MYO15B: variants seen among roughly 807,000 people sequenced by gnomAD.
MYO15B encodes myosin XVB pseudogene.
Under a neutral mutation model 119.3 loss-of-function variants are expected in MYO15B, and 207 were observed. The ratio of observed to expected loss-of-function variants is 1.73; its 90% CI spans 1.55 to 1.95. The LOEUF (loss-of-function observed/expected upper bound fraction) is 1.95. MYO15B is among the 30% of genes most tolerant of loss of function. The probability of loss-of-function intolerance (pLI) is 0.00; values close to 1 mark genes in which losing one functional copy is unlikely to be tolerated. For synonymous variants in MYO15B, 966 were observed against 498.9 expected, an observed-to-expected ratio of 1.94 and a Z score of -12.48; for missense variants, 2,264 against 1,203.1, an observed-to-expected ratio of 1.88 and a Z score of -13.04.
At chr17:75,594,089 C>A (rs893836407) in intron 9 of MYO15B, among the ~76,000 whole-genome samples, 1,156 of 106,880 alleles carry the variant, frequency 0.011, no homozygotes, top group Non-Finnish European at 0.012. Flanking sequence ...GACCCTGTCT[C>A]AAAAAAAAAA....
In MYO15B at chr17:75,588,132, G is replaced by C. The variant is rs1184089565; in HGVS notation, c.75G>C (p.Ser25=). The C allele has an allele frequency of 1.8e-5, 7 of 398,102 alleles. No individual in the cohort carries two copies. In the Admixed American group the frequency reaches 3.1e-4, roughly 18 times the overall value. 24.7% of individuals were successfully genotyped at this position (398,102 alleles called of 1,614,324 possible). A position where few individuals can be genotyped will look rare whatever the true frequency, so the allele number is the denominator to read the frequency against. Residue 25 remains serine (S), a synonymous_variant, in exon 1 of 64, where the codon TCG becomes TCC. Transcript: ENST00000645453. The stretch of plus-strand genomic sequence containing the variant: ...GGCCGGCCTCAGGGGAGCAGGAGTC[G>C]GGGTCGGCCAGCGCGGATGGCGCGC...
intron 7 of MYO15B, 32 bp from the exon 8 acceptor site, chr17:75,592,396 C>A (rs2147720782): frequency 1.5e-6 from 1 of 675,094 alleles, no homozygotes; most frequent in Non-Finnish European, 2.7e-6. Context: ...GCCCCTAGGG[C>A]ACTGAGCCCC....
intron 19 of MYO15B, among the ~76,000 whole-genome samples, chr17:75,604,839 T>C (rs1624988): frequency 0.17 from 26,527 of 152,064 alleles, 3,776 homozygotes; most frequent in African/African-American, 0.39. Context: ...CAGGGTGTCG[T>C]ACAGCAAGTG....
At chr17:75,611,100 G>T in intron 23 of MYO15B, 141 bp downstream of exon 23, 1 of 659,248 alleles carries the variant, frequency 1.5e-6, no homozygotes, top group Non-Finnish European at 2.8e-6. Flanking sequence ...GAGGACCGGG[G>T]TGCTCTTGGC....
At chr17:75,620,585 T>C (rs1256719924) in exon 49 of MYO15B, 1 of 702,326 alleles carries the variant, frequency 1.4e-6, no homozygotes, top group Non-Finnish European at 2.6e-6. Context: ...GGCACAAGGG[T>C]CAGCTGTCCA....
intron 33 of MYO15B, 39 bp from the exon 34 acceptor site, chr17:75,615,201 G>T (rs1281096339): frequency 1.4e-6 from 1 of 692,870 alleles, no homozygotes; most frequent in Non-Finnish European, 2.6e-6. Context: ...TGGCATGTGG[G>T]CCCAGGCAGG....
chr17:75,612,590 G>C (rs775636291), intron 25 of MYO15B, among the ~76,000 whole-genome samples: 2 of 151,992 alleles, frequency 1.3e-5, no homozygotes, highest in Non-Finnish European at 2.9e-5. Flanking sequence ...ACTTGAACCT[G>C]GGAGGTGGAG....
At chr17:75,620,830 G>A in intron 49 of MYO15B, 194 bp downstream of exon 49, 1 of 701,970 alleles carries the variant, frequency 1.4e-6, no homozygotes. Flanking sequence ...GCAGGCAGGG[G>A]CTGGGCTGGA....
At chr17:75,601,508 G>A (rs1179758558) in exon 15 of MYO15B, 10 of 702,988 alleles carry the variant, frequency 1.4e-5, no homozygotes, top group South Asian at 4.4e-5. Context: ...GCCAAGCCCC[G>A]GCTGCCCCTG....
chr17:75,623,037 TC>T lies in MYO15B; in HGVS notation c.8083-743del, dbSNP rs1303544448. Among the ~76,000 whole-genome samples the T allele has an allele frequency of 2.2e-5, 3 of 138,260 alleles. 1 individual carries two copies. Among genetic ancestry groups the T allele is most frequent in the African/African-American group, 8.5e-5 (3 of 35,268 alleles). 90.7% of individuals were successfully genotyped at this position (138,260 alleles called of 152,430 possible). ...GGAGCCAGCAGAGATGAGTAAGAGA[TC>T]AGAGAAGCAGGGGCCGGGCGCGGCG... On this transcript the variant is annotated intron_variant, in intron 53 of 63. Coordinates refer to ENST00000645453, the Ensembl canonical transcript of MYO15B.
At chr17:75,588,647 G>A in exon 1 of MYO15B, 1 of 400,828 alleles carries the variant, frequency 2.5e-6, no homozygotes, top group Non-Finnish European at 4.4e-6. Context: ...ACAAAAACCG[G>A]GCCGGAGTCA....
chr17:75,622,372 G>A (rs2058758036), intron 53 of MYO15B, among the ~76,000 whole-genome samples: 2 of 152,228 alleles, frequency 1.3e-5, no homozygotes, highest in African/African-American at 4.8e-5. Context: ...AGGGAGGGAA[G>A]GAGTGAGCAC....
chr17:75,624,735 G>T, intron 58 of MYO15B, 36 bp from the exon 59 acceptor site: 1 of 702,550 alleles, frequency 1.4e-6, no homozygotes, highest in South Asian at 1.5e-5. Flanking sequence ...GGGTGTGTGT[G>T]GTCTGAGCAG....
At position 75,589,365 on chromosome 17, in the gene MYO15B, G is replaced by T. The variant is rs2056280961; in HGVS notation, c.1308G>T (p.Glu436Asp). 1.8e-5 allele frequency: 7 copies of T among 392,558 alleles called. No homozygotes were observed. Among genetic ancestry groups the T allele is most frequent in the Non-Finnish European group, 3.1e-5 (7 of 222,978 alleles). The allele number at this position is 392,558 out of a possible 1,614,324, so 24.3% of individuals were successfully genotyped here. A position where few individuals can be genotyped will look rare whatever the true frequency, so the allele number is the denominator to read the frequency against. ...AAGCGGATGAAGGGCGGGGCCACGA[G>T]CGAGGGGACGAGGGTCGGGGCCGCG... Residue 436 changes from glutamate to aspartate, a missense_variant, in exon 1 of 64, where the codon GAG (glutamate) becomes GAT (aspartate). Glu to Asp is a conservative substitution (Grantham distance 45). Transcript: ENST00000645453. The surrounding 1 kb of genome is among the most constrained non-coding windows in gnomAD (Gnocchi z 4.2).
At chr17:75,623,322 CAAAAAAA>C (rs1568229622) in intron 53 of MYO15B, among the ~76,000 whole-genome samples, 2 of 149,564 alleles carry the variant, frequency 1.3e-5, no homozygotes, top group African/African-American at 4.9e-5. Flanking sequence ...AAGACTGTCT[CAAAAAAA>C]TAAAAAATAA....
Position 75,596,629 on chromosome 17 carries a change from A to G in MYO15B, c.3393+74A>G, listed in dbSNP as rs960144133. ...AGGCAGAGGCCATCCTTGGTGAAGG[A>G]AAGTTGGGAACTGAGAGCTCTGCCT... On this transcript the variant is annotated intron_variant, in intron 13 of 63. Coordinates refer to ENST00000645453, the Ensembl canonical transcript of MYO15B. 8.6e-6 allele frequency: 6 copies of G among 694,152 alleles called. No homozygotes were observed. In the African/African-American group the frequency reaches 1.1e-4, roughly 12 times the overall value. The allele number at this position is 694,152 out of a possible 1,614,324, so 43.0% of individuals were successfully genotyped here.
chr17:75,626,526 C>A (rs775324107), exon 64 of MYO15B: 1 of 702,588 alleles, frequency 1.4e-6, no homozygotes, highest in African/African-American at 1.7e-5. Context: ...AGGCCTCCCC[C>A]GGCCCAAGTC....
At chr17:75,600,528 G>C (rs1012311928) in intron 14 of MYO15B, 1 of 151,070 alleles carries the variant, frequency 6.6e-6, no homozygotes, top group Non-Finnish European at 1.5e-5. Flanking sequence ...GCTTACTGCA[G>C]CCTCAAGCTC....
intron 21 of MYO15B, chr17:75,607,026 A>G (rs1007979109): frequency 1.5e-5 from 6 of 398,368 alleles, no homozygotes; most frequent in African/African-American, 1.0e-4. Context: ...GGGATGCCAG[A>G]GACGGGGCCT....
Sources: allele counts gnomAD v4.1 joint callset (sites outside exome capture counted in the v4.1 genomes callset), GRCh38; gene constraint gnomAD v4.1.1; non-coding constraint Gnocchi (gnomAD v3.1); transcripts MANE v1.5; gene names NCBI Gene and HGNC (gene_info 2026-07-23, HGNC 2026-07-21).